The following LCORL variants were observed in gnomAD, a reference collection of about 807,000 sequenced individuals.
LCORL encodes ligand-dependent nuclear receptor corepressor-like protein.
In LCORL, 41 loss-of-function variants were observed where a neutral mutation model predicts 141.8. The ratio of observed to expected loss-of-function variants is 0.29; its 90% CI spans 0.23 to 0.38. The LOEUF (loss-of-function observed/expected upper bound fraction) is 0.38, where lower values mean the gene tolerates loss of function less well. LCORL is among the 10% of genes least tolerant of loss of function. The pLI is 1.00. For synonymous variants in LCORL, 618 were observed against 694.1 expected (o/e 0.89, Z 1.72); for missense variants, 1,759 against 2,035.0 (o/e 0.86, Z 2.61).
At chr4:17,941,740 T>C (rs1252976062) in intron 4 of LCORL, among the ~76,000 whole-genome samples, 1 of 152,194 alleles carries the variant, frequency 6.6e-6, no homozygotes, top group Non-Finnish European at 1.5e-5. Context: ...AGTCAAGCAA[T>C]TTACTCTAGA....
intron 4 of LCORL, among the ~76,000 whole-genome samples, chr4:17,958,375 T>C (rs570746414): frequency 6.6e-6 from 1 of 152,022 alleles, no homozygotes; most frequent in South Asian, 2.1e-4. Context: ...ACTATGTACA[T>C]ATTATCTGTT....
chr4:18,008,320 C>G (rs1723139179), intron 1 of LCORL, among the ~76,000 whole-genome samples: 5 of 152,178 alleles, frequency 3.3e-5, no homozygotes. Context: ...ACTGTGCATT[C>G]AAATACAGAA....
At chr4:17,929,343 A>G (rs575073458) in intron 4 of LCORL, among the ~76,000 whole-genome samples, 1 of 152,326 alleles carries the variant, frequency 6.6e-6, no homozygotes, top group Admixed American at 6.5e-5. Context: ...GAAAGAGAAC[A>G]AAATCGGAGG....
At chr4:18,000,605 ATC>A (rs59912548) in intron 1 of LCORL, among the ~76,000 whole-genome samples, 30,923 of 152,138 alleles carry the variant, frequency 0.2, 3,970 homozygotes, top group African/African-American at 0.36. Flanking sequence ...AACGAACTAT[ATC>A]TACAGGCAAC....
chr4:17,913,373 A>G (rs888954909), intron 4 of LCORL, among the ~76,000 whole-genome samples: 1 of 152,218 alleles, frequency 6.6e-6, no homozygotes, highest in African/African-American at 2.4e-5. Context: ...AGAATTGTAA[A>G]AGGTGATGAA....
intron 5 of LCORL, chr4:17,893,325 T>C (rs1553862640): frequency 1.1e-6 from 1 of 894,368 alleles, no homozygotes; most frequent in Non-Finnish European, 1.3e-6. Flanking sequence ...TTTATTTATA[T>C]ATACAAGACA....
intron 4 of LCORL, among the ~76,000 whole-genome samples, chr4:17,914,683 T>C (rs1277824887): frequency 6.6e-6 from 1 of 152,316 alleles, no homozygotes; most frequent in African/African-American, 2.4e-5. Context: ...AGGTTAGGAA[T>C]TGTAAACTCA....
At chr4:17,971,397 C>CAT (rs1372748327) in intron 2 of LCORL, among the ~76,000 whole-genome samples, 5 of 151,426 alleles carry the variant, frequency 3.3e-5, no homozygotes, top group African/African-American at 9.7e-5. Flanking sequence ...TTAATATCTG[C>CAT]ATATATCCGA....
intron 1 of LCORL, among the ~76,000 whole-genome samples, chr4:18,016,361 A>C (rs1724635835): frequency 6.6e-6 from 1 of 152,190 alleles, no homozygotes; most frequent in Non-Finnish European, 1.5e-5. Flanking sequence ...CAAGTAGTCT[A>C]GCTCTAGAAC....
intron 2 of LCORL, among the ~76,000 whole-genome samples, chr4:17,970,548 A>AT (rs1310608768): frequency 6.6e-6 from 1 of 152,200 alleles, no homozygotes; most frequent in Non-Finnish European, 1.5e-5. Flanking sequence ...GAAATAGAAC[A>AT]TAACAGCTGC....
At position 17,982,242 on chromosome 4, in the gene LCORL, G is replaced by A. The variant is rs897835723; in HGVS notation, c.155-9357C>T. Among the ~76,000 whole-genome samples the A allele has an allele frequency of 3.3e-5, 5 of 151,908 alleles. No individual in the cohort carries two copies. The East Asian group carries it at 5.8e-4, about 18-fold the overall frequency. ...GAATAGTGCCACAATGAACATATGC[G>A]TGCATGTGTCTTTACATACAATACA... On this transcript the variant is annotated intron_variant, in intron 1 of 7. Transcript: ENST00000635767.
intron 4 of LCORL, among the ~76,000 whole-genome samples, chr4:17,946,652 T>G (rs971962385): frequency 6.6e-6 from 1 of 151,922 alleles, no homozygotes; most frequent in Non-Finnish European, 1.5e-5. Context: ...TATCTAAAAT[T>G]GACAAAGAAA....
Position 17,941,087 on chromosome 4 carries a change from C to T in LCORL, c.430+20816G>A, listed in dbSNP as rs142284121. ...GAAAACAAATGTTTAAAAATGCATC[C>T]CCATCAGGGCCGGGCGCTGTGGCTC... is the stretch of plus-strand genomic sequence containing the variant. On this transcript the variant is annotated intron_variant, in intron 4 of 7. Transcript: ENST00000635767. 2.6e-5 allele frequency among the ~76,000 whole-genome samples: 4 copies of T among 152,140 alleles called. No individual in the cohort carries two copies. The East Asian group carries it at 7.7e-4, about 29-fold the overall frequency.
intron 3 of LCORL, 41 bp from the exon 4 acceptor site, chr4:17,962,073 T>A (rs746450443): frequency 5.1e-5 from 73 of 1,424,236 alleles, no homozygotes; most frequent in Non-Finnish European, 6.7e-5. Flanking sequence ...AATTATTTTT[T>A]AATTCAAACA....
chr4:17,877,133 A>G, exon 7 of LCORL: 1 of 1,230,884 alleles, frequency 8.1e-7, no homozygotes, highest in South Asian at 4.1e-5. Context: ...ACATGGGTGA[A>G]TCAGAGGAGT....
chr4:17,938,709 G>A (rs1216128694), intron 4 of LCORL, among the ~76,000 whole-genome samples: 5 of 151,932 alleles, frequency 3.3e-5, no homozygotes, highest in Non-Finnish European at 4.4e-5. Flanking sequence ...CACCGCGCCC[G>A]GCCCTGTAAC....
chr4:17,869,404 C>T (rs1336479787), intron 7 of LCORL, among the ~76,000 whole-genome samples: 1 of 152,084 alleles, frequency 6.6e-6, no homozygotes, highest in Non-Finnish European at 1.5e-5. Flanking sequence ...GCTACTCTTT[C>T]CCAACAACTA....
exon 8 of LCORL, chr4:17,845,686 A>G (rs2109083584): frequency 1.3e-6 from 2 of 1,512,716 alleles, no homozygotes; most frequent in African/African-American, 1.4e-5. Context: ...GAATACTGAC[A>G]TACAAAATAA....
At chr4:17,941,915 G>A (rs1410735978) in intron 4 of LCORL, among the ~76,000 whole-genome samples, 4 of 150,196 alleles carry the variant, frequency 2.7e-5, no homozygotes, top group African/African-American at 7.4e-5. Flanking sequence ...ATAAATCTCT[G>A]AACCATCAGA....
Sources: gnomAD v4.1 joint callset for allele counts (sites outside exome capture counted in the v4.1 genomes callset) on GRCh38, gnomAD v4.1.1 for gene constraint, MANE v1.5 for transcripts, NCBI Gene and HGNC (gene_info 2026-07-23, HGNC 2026-07-21) for gene names.